P4HA1: variants seen among roughly 807,000 people sequenced by gnomAD.
P4HA1 encodes prolyl 4-hydroxylase subunit alpha-1.
P4HA1 carries 24 observed loss-of-function variants against 72.8 expected under a neutral mutation model. The ratio of observed to expected loss-of-function variants is 0.33; its 90% CI spans 0.24 to 0.46. The LOEUF (loss-of-function observed/expected upper bound fraction) is 0.46, where lower values mean the gene tolerates loss of function less well. Ranked by LOEUF, P4HA1 falls within the 20% of genes least tolerant of loss-of-function variation. The probability of loss-of-function intolerance (pLI) is 1.00; values close to 1 mark genes in which losing one functional copy is unlikely to be tolerated. For missense variants in P4HA1, 446 were observed against 640.6 expected, an observed-to-expected ratio of 0.70 and a Z score of 3.28; for synonymous variants, 201 against 218.8, an observed-to-expected ratio of 0.92 and a Z score of 0.72.
intron 9 of P4HA1, among the ~76,000 whole-genome samples, chr10:73,033,527 A>T (rs932254627): frequency 6.6e-6 from 1 of 152,112 alleles, no homozygotes; most frequent in Non-Finnish European, 1.5e-5. Flanking sequence ...ATGCTTGCTT[A>T]TTGAAGTCTC....
At chr10:73,043,122 AC>A (rs1267336685) in intron 9 of P4HA1, among the ~76,000 whole-genome samples, 1 of 152,204 alleles carries the variant, frequency 6.6e-6, no homozygotes, top group African/African-American at 2.4e-5. Context: ...ATTATTATTC[AC>A]ATTTGTTAAT....
intron 5 of P4HA1, among the ~76,000 whole-genome samples, chr10:73,057,350 C>T (rs993653961): frequency 7.2e-5 from 11 of 151,794 alleles, no homozygotes; most frequent in Admixed American, 1.3e-4. Flanking sequence ...ATTAGCCGGG[C>T]GTGGTGGTGG....
Position 73,030,390 on chromosome 10 carries a change from T to C in P4HA1, c.1149-20A>G, listed in dbSNP as rs757952321. On this transcript the variant is annotated intron_variant, in intron 9 of 14. Transcript: ENST00000394890. ...CAGGCACTAAGAATAAGAGGAATAT[T>C]AGTTTTATTGATAATGTTTCATTAC... 2.3e-5 allele frequency: 31 copies of C among 1,319,654 alleles called. 1 individual carries two copies. Among genetic ancestry groups the C allele is most frequent in the Admixed American group, 1.7e-4 (9 of 53,766 alleles). The allele number at this position is 1,319,654 out of a possible 1,614,324, so 81.7% of individuals were successfully genotyped here.
At chr10:73,032,505 T>G (rs1840454522) in intron 9 of P4HA1, among the ~76,000 whole-genome samples, 2 of 152,236 alleles carry the variant, frequency 1.3e-5, no homozygotes, top group Admixed American at 6.5e-5. Flanking sequence ...TATCTCAGGC[T>G]GCTTTTTCTT....
intron 10 of P4HA1, among the ~76,000 whole-genome samples, chr10:73,022,124 T>G (rs12262714): frequency 0.16 from 23,916 of 152,178 alleles, 3,187 homozygotes; most frequent in African/African-American, 0.34. Flanking sequence ...GTCTGACAGC[T>G]CTGAAGAGAG....
At chr10:73,029,128 G>C (rs1302446364) in intron 10 of P4HA1, among the ~76,000 whole-genome samples, 2 of 151,876 alleles carry the variant, frequency 1.3e-5, no homozygotes, top group African/African-American at 4.8e-5. Context: ...TTTGCAACCA[G>C]GCCAGGCACA....
chr10:73,051,268 A>G lies in P4HA1; in HGVS notation c.704-19T>C. 1 of 1,389,486 alleles carries G rather than the reference A, an allele frequency of 7.2e-7. No homozygotes were observed. Among genetic ancestry groups the G allele is most frequent in the Non-Finnish European group, 1.0e-6 (1 of 986,154 alleles). The allele number at this position is 1,389,486 out of a possible 1,614,324, so 86.1% of individuals were successfully genotyped here. A position where few individuals can be genotyped will look rare whatever the true frequency, so the allele number is the denominator to read the frequency against. On this transcript the variant is annotated intron_variant, in intron 6 of 14. Transcript: ENST00000394890. ...TCAGGATCTATTAGAAGAGAAACAA[A>G]GCATGTCCATGGGTAAGTTCATGCT...
chr10:73,080,527 G>A lies in P4HA1; in HGVS notation c.-32-5612C>T, dbSNP rs80119320. Among the ~76,000 whole-genome samples, 423 of 152,324 alleles carry A rather than the reference G, an allele frequency of 2.8e-3. 1 individual carries two copies. Among genetic ancestry groups the A allele is most frequent in the African/African-American group, 9.8e-3 (406 of 41,576 alleles). On this transcript the variant is annotated intron_variant, in intron 1 of 14. Coordinates refer to ENST00000394890, the MANE Select transcript of P4HA1 (RefSeq NM_001017962.3). Reference sequence around the variant, plus strand: ...GAATGTCTAATTACTCTAGAGAATGGTTCTCTAATCTGTTTTAGCACTATG... The same window carrying A: ...GAATGTCTAATTACTCTAGAGAATGATTCTCTAATCTGTTTTAGCACTATG...
At chr10:73,033,170 C>T (rs1395312219) in intron 9 of P4HA1, among the ~76,000 whole-genome samples, 1 of 151,908 alleles carries the variant, frequency 6.6e-6, no homozygotes, top group Non-Finnish European at 1.5e-5. Flanking sequence ...TATAAGCAAC[C>T]AACCAACTAC....
intron 6 of P4HA1, 56 bp from the exon 7 acceptor site, chr10:73,051,305 C>T (rs1316319498): frequency 1.1e-6 from 1 of 913,770 alleles, no homozygotes; most frequent in East Asian, 2.4e-5. Context: ...GTTCAAGCAT[C>T]AGAATATAGT....
At chr10:73,068,510 T>C (rs888403398) in intron 5 of P4HA1, among the ~76,000 whole-genome samples, 5 of 152,198 alleles carry the variant, frequency 3.3e-5, no homozygotes, top group Admixed American at 2.0e-4. Flanking sequence ...CAATCCCTTA[T>C]AGCTTTACAT....
intron 5 of P4HA1, among the ~76,000 whole-genome samples, chr10:73,059,441 A>T: frequency 7.9e-6 from 1 of 126,908 alleles, no homozygotes; most frequent in African/African-American, 3.5e-5. Context: ...AAAAAAAAAA[A>T]AAAAAAAAAA....
intron 5 of P4HA1, 74 bp downstream of exon 5, chr10:73,068,772 A>C: frequency 3.3e-6 from 4 of 1,195,664 alleles, no homozygotes; most frequent in Non-Finnish European, 4.8e-6. Context: ...TCTTTTTTAT[A>C]CTAACATTGT....
At chr10:73,052,092 G>A (rs540345912) in intron 6 of P4HA1, among the ~76,000 whole-genome samples, 5 of 151,122 alleles carry the variant, frequency 3.3e-5, no homozygotes, top group South Asian at 2.1e-4. Flanking sequence ...TATAATTTTC[G>A]AATAAGCTGG....
rs1306590320 is a variant in P4HA1, at chr10:73,081,308, G to C, written c.-32-6393C>G. On this transcript the variant is annotated intron_variant, in intron 1 of 14. Coordinates refer to ENST00000394890, the MANE Select transcript of P4HA1 (RefSeq NM_001017962.3). ...AAGATCCAAAGATAAACTTACACTGGAATAAAACTTGGTGTTGCAACAGTA... is the reference window on the plus strand; with the variant it reads ...AAGATCCAAAGATAAACTTACACTGCAATAAAACTTGGTGTTGCAACAGTA... Among the ~76,000 whole-genome samples, 5 of 152,092 alleles carry C rather than the reference G, an allele frequency of 3.3e-5. No homozygotes were observed. In the South Asian group the frequency reaches 8.3e-4, roughly 25 times the overall value.
intron 5 of P4HA1, among the ~76,000 whole-genome samples, chr10:73,056,773 A>G (rs1474497349): frequency 6.6e-6 from 1 of 152,204 alleles, no homozygotes; most frequent in African/African-American, 2.4e-5. Context: ...GTTAAAATGT[A>G]GATTAAGGCC....
chr10:73,064,595 G>A (rs1180316262), intron 5 of P4HA1, among the ~76,000 whole-genome samples: 2 of 152,092 alleles, frequency 1.3e-5, no homozygotes, highest in Admixed American at 1.3e-4. Context: ...AATTCCAGCA[G>A]TTCGGGAGGC....
chr10:73,089,101 T>A (rs1841976231), intron 1 of P4HA1, among the ~76,000 whole-genome samples: 1 of 152,202 alleles, frequency 6.6e-6, no homozygotes, highest in African/African-American at 2.4e-5. Context: ...TAATACTGAG[T>A]CTTCTAATCC....
intron 12 of P4HA1, among the ~76,000 whole-genome samples, chr10:73,012,666 G>A (rs1020175561): frequency 5.3e-5 from 8 of 151,980 alleles, no homozygotes; most frequent in African/African-American, 1.9e-4. Context: ...GAAATAGACT[G>A]AACAGACAGA....
Sources: gnomAD v4.1 joint callset for allele counts (sites outside exome capture counted in the v4.1 genomes callset) on GRCh38, gnomAD v4.1.1 for gene constraint, MANE v1.5 for transcripts, NCBI Gene and HGNC (gene_info 2026-07-23, HGNC 2026-07-21) for gene names.